The following CA10 variants were observed in gnomAD, a reference collection of about 807,000 sequenced individuals.
CA10 encodes the protein carbonic anhydrase-related protein 10.
In CA10, 14 loss-of-function variants were observed where a neutral mutation model predicts 44.2. The observed-to-expected ratio is 0.32, with a 90% CI of 0.21 to 0.50. The LOEUF (loss-of-function observed/expected upper bound fraction) is 0.50, where lower values mean the gene tolerates loss of function less well. Among genes scored for constraint, CA10 ranks in the 20% least tolerant of loss-of-function variants. The pLI is 0.99. For missense variants in CA10, 350 were observed against 409.7 expected, an observed-to-expected ratio of 0.85 and a Z score of 1.26; for synonymous variants, 159 against 141.6, an observed-to-expected ratio of 1.12 and a Z score of -0.87.
intron 1 of CA10, among the ~76,000 whole-genome samples, chr17:52,114,119 A>T (rs1988841634): frequency 1.3e-5 from 2 of 152,244 alleles, no homozygotes. Flanking sequence ...AAGCTAAAAC[A>T]TCTACAAGTG....
chr17:51,742,847 G>C (rs1442501082), intron 4 of CA10, among the ~76,000 whole-genome samples: 1 of 152,216 alleles, frequency 6.6e-6, no homozygotes, highest in Admixed American at 6.5e-5. Context: ...TGCTGTCAGA[G>C]GGAGCAGCAA....
At chr17:52,124,734 T>C (rs1009710502) in intron 1 of CA10, among the ~76,000 whole-genome samples, 1 of 152,160 alleles carries the variant, frequency 6.6e-6, no homozygotes, top group Non-Finnish European at 1.5e-5. Context: ...TCATCCTCAA[T>C]GCCTCTCCCA....
intron 2 of CA10, among the ~76,000 whole-genome samples, chr17:51,972,203 T>C (rs963724638): frequency 6.6e-6 from 1 of 152,110 alleles, no homozygotes; most frequent in East Asian, 1.9e-4. Flanking sequence ...CAGTTCTTTC[T>C]TTTTTCTGGT....
intron 1 of CA10, among the ~76,000 whole-genome samples, chr17:52,107,815 G>T (rs1054402550): frequency 5.3e-5 from 8 of 152,114 alleles, no homozygotes; most frequent in African/African-American, 9.7e-5. Flanking sequence ...GAAGACATTT[G>T]CTCAGGTAGG....
chr17:51,878,160 A>AAAAAAAAG (rs1980170757), intron 3 of CA10, among the ~76,000 whole-genome samples: 2 of 150,888 alleles, frequency 1.3e-5, no homozygotes, highest in African/African-American at 4.9e-5. Context: ...AAAAAAAAAA[A>AAAAAAAAG]AAAAAAAGAA....
chr17:51,810,110 G>A lies in CA10; in HGVS notation c.280-62292C>T, dbSNP rs1907298051. Among the ~76,000 whole-genome samples, 3 of 152,114 alleles carry A rather than the reference G, an allele frequency of 2.0e-5. No homozygotes were observed. In the South Asian group the frequency reaches 6.2e-4, roughly 31 times the overall value. On this transcript the variant is annotated intron_variant, in intron 3 of 8. Coordinates refer to ENST00000451037, the MANE Select transcript of CA10 (RefSeq NM_020178.5). ...AGACCCGGTCTGTAGTAGTCATCCA[G>A]TCATTTCCCATAGACCCCAATCTTA...
intron 2 of CA10, among the ~76,000 whole-genome samples, chr17:52,023,402 T>C (rs1986201954): frequency 6.6e-6 from 1 of 152,060 alleles, no homozygotes; most frequent in Non-Finnish European, 1.5e-5. Flanking sequence ...GGTGCTGGGA[T>C]AACTGGCTGT....
At chr17:51,740,975 C>A (rs953859565) in intron 4 of CA10, among the ~76,000 whole-genome samples, 2 of 152,200 alleles carry the variant, frequency 1.3e-5, no homozygotes, top group Non-Finnish European at 2.9e-5. Flanking sequence ...TAAATTTACT[C>A]ATTTATTATG....
chr17:51,963,736 A>C (rs1983977487), intron 2 of CA10, among the ~76,000 whole-genome samples: 2 of 152,228 alleles, frequency 1.3e-5, no homozygotes, highest in African/African-American at 4.8e-5. Context: ...TGTTACTATT[A>C]GAACCGGCTT....
chr17:51,641,975 T>G (rs1426667137), intron 6 of CA10, among the ~76,000 whole-genome samples: 1 of 152,180 alleles, frequency 6.6e-6, no homozygotes, highest in Non-Finnish European at 1.5e-5. Flanking sequence ...TCCTGATCAA[T>G]ATGGAACTAT....
chr17:52,010,741 T>C (rs1399207169), intron 2 of CA10, among the ~76,000 whole-genome samples: 1 of 151,852 alleles, frequency 6.6e-6, no homozygotes, highest in Non-Finnish European at 1.5e-5. Context: ...ATGCCTGGGA[T>C]TTTTTATATT....
intron 4 of CA10, among the ~76,000 whole-genome samples, chr17:51,709,676 C>T (rs886080): frequency 6.6e-6 from 1 of 152,008 alleles, no homozygotes; most frequent in Admixed American, 6.5e-5. Flanking sequence ...CAAATGTCCT[C>T]AGGTAGGGAA....
chr17:52,152,524 T>G (rs1328363165), intron 1 of CA10, among the ~76,000 whole-genome samples: 1 of 152,168 alleles, frequency 6.6e-6, no homozygotes, highest in Non-Finnish European at 1.5e-5. Flanking sequence ...TTTTCTTTCA[T>G]GTCTAAACTT....
chr17:51,815,360 G>T (rs1311714054), intron 3 of CA10, among the ~76,000 whole-genome samples: 2 of 152,192 alleles, frequency 1.3e-5, no homozygotes, highest in Non-Finnish European at 2.9e-5. Context: ...TTGGATTACT[G>T]AAGACAGCAT....
intron 2 of CA10, among the ~76,000 whole-genome samples, chr17:51,966,459 A>T (rs996983559): frequency 6.6e-6 from 1 of 152,000 alleles, no homozygotes; most frequent in Admixed American, 6.6e-5. Context: ...TTCAAGCTAT[A>T]CTACAAGCCT....
intron 1 of CA10, among the ~76,000 whole-genome samples, chr17:52,096,929 T>G (rs1053719168): frequency 6.6e-6 from 1 of 152,142 alleles, no homozygotes; most frequent in East Asian, 1.9e-4. Context: ...TTCATTCATT[T>G]TAACTGCAAT....
chr17:51,822,532 C>T (rs1907854006), intron 3 of CA10, among the ~76,000 whole-genome samples: 1 of 152,308 alleles, frequency 6.6e-6, no homozygotes, highest in Non-Finnish European at 1.5e-5. Flanking sequence ...TACTACTCTC[C>T]TGCTTAATTT....
chr17:52,106,852 C>A (rs1988672532), intron 1 of CA10, among the ~76,000 whole-genome samples: 2 of 152,204 alleles, frequency 1.3e-5, no homozygotes, highest in East Asian at 3.8e-4. Flanking sequence ...TGGCCACATG[C>A]TGGAGTACAT....
chr17:51,951,329 G>T (rs1567897293), intron 2 of CA10, among the ~76,000 whole-genome samples: 1 of 151,980 alleles, frequency 6.6e-6, no homozygotes, highest in Non-Finnish European at 1.5e-5. Context: ...TTTCAATAAG[G>T]ACCATAAAAA....
Sources: gnomAD v4.1 joint callset for allele counts (sites outside exome capture counted in the v4.1 genomes callset) on GRCh38, gnomAD v4.1.1 for gene constraint, MANE v1.5 for transcripts, NCBI Gene and HGNC (gene_info 2026-07-23, HGNC 2026-07-21) for gene names.